VAC14: variants seen among roughly 807,000 people sequenced by gnomAD.
The protein encoded by VAC14 is protein VAC14 homolog.
VAC14 carries 47 observed loss-of-function variants against 85.3 expected under a neutral mutation model. The ratio of observed to expected loss-of-function variants is 0.55; its 90% confidence interval spans 0.44 to 0.70. The LOEUF is 0.70. Among genes scored for constraint, VAC14 ranks in the 30% least tolerant of loss-of-function variants. The pLI is 0.00. For missense variants in VAC14, 861 were observed against 1,004.3 expected, an observed-to-expected ratio of 0.86 and a Z score of 1.93; for synonymous variants, 447 against 430.5, an observed-to-expected ratio of 1.04 and a Z score of -0.47.
At chr16:70,691,862 C>T (rs1472368141) in intron 18 of VAC14, 4 of 985,312 alleles carry the variant, frequency 4.1e-6, no homozygotes, top group Non-Finnish European at 4.8e-6. Flanking sequence ...GCAGGCCTGT[C>T]TCAAGGCTGC....
chr16:70,749,647 C>T (rs1336428779), intron 12 of VAC14, among the ~76,000 whole-genome samples: 1 of 152,266 alleles, frequency 6.6e-6, no homozygotes, highest in Non-Finnish European at 1.5e-5. Flanking sequence ...CATCTTCCCT[C>T]AGTCTCCTAG....
chr16:70,706,421 C>T (rs1269038952), intron 14 of VAC14, among the ~76,000 whole-genome samples: 1 of 152,236 alleles, frequency 6.6e-6, no homozygotes, highest in African/African-American at 2.4e-5. Context: ...GGCTCAGAGG[C>T]CCCTCCCTTC....
chr16:70,796,460 T>C (rs2034549901), intron 1 of VAC14, among the ~76,000 whole-genome samples: 1 of 152,208 alleles, frequency 6.6e-6, no homozygotes, highest in Non-Finnish European at 1.5e-5. Flanking sequence ...ATTCCTTTTA[T>C]TATAAGTATG....
chr16:70,693,328 T>G (rs1308438250), intron 17 of VAC14, among the ~76,000 whole-genome samples: 1 of 152,234 alleles, frequency 6.6e-6, no homozygotes, highest in Non-Finnish European at 1.5e-5. Flanking sequence ...CCCGCTCAGC[T>G]GCCTCCCTGG....
At chr16:70,690,045 C>A in intron 18 of VAC14, 1 of 985,486 alleles carries the variant, frequency 1.0e-6, no homozygotes, top group African/African-American at 1.7e-5. Context: ...CAAGCCAAGG[C>A]CTTAGGTTAG....
chr16:70,723,010 G>GT (rs2054333233), intron 14 of VAC14, among the ~76,000 whole-genome samples: 1 of 152,150 alleles, frequency 6.6e-6, no homozygotes, highest in Admixed American at 6.5e-5. Flanking sequence ...GAGGTCAGGA[G>GT]TTTGAGACCA....
At chr16:70,795,720 C>G (rs2143349034) in intron 1 of VAC14, among the ~76,000 whole-genome samples, 1 of 152,352 alleles carries the variant, frequency 6.6e-6, no homozygotes, top group Admixed American at 6.5e-5. Flanking sequence ...TTTGGGCTCT[C>G]AGGGGGCATG....
chr16:70,698,949 T>C, intron 14 of VAC14, 138 bp from the exon 15 acceptor site: 2 of 420,142 alleles, frequency 4.8e-6, no homozygotes, highest in Non-Finnish European at 8.4e-6. Flanking sequence ...GCCATGACTC[T>C]GAGGCCTGTG....
chr16:70,767,861 T>C (rs1226850002), intron 10 of VAC14, among the ~76,000 whole-genome samples: 3 of 152,180 alleles, frequency 2.0e-5, no homozygotes, highest in African/African-American at 7.2e-5. Context: ...CTATGTTCTT[T>C]ACATACTTAA....
intron 1 of VAC14, among the ~76,000 whole-genome samples, chr16:70,789,491 G>T (rs190940178): frequency 2.4e-4 from 36 of 152,286 alleles, no homozygotes; most frequent in African/African-American, 8.2e-4. Context: ...TGCGCACACA[G>T]CTGCTCACAT....
intron 1 of VAC14, 95 bp from the exon 2 acceptor site, chr16:70,786,460 T>A (rs2034065404): frequency 1.3e-6 from 2 of 1,512,502 alleles, no homozygotes; most frequent in Admixed American, 4.0e-5. Context: ...GATGACCTGT[T>A]TGGAAAGAGG....
chr16:70,744,380 G>A, intron 13 of VAC14, 43 bp downstream of exon 13: 1 of 1,612,454 alleles, frequency 6.2e-7, no homozygotes, highest in Non-Finnish European at 8.5e-7. Flanking sequence ...CCCGGCACTG[G>A]CACTAAGGCC....
At position 70,687,653 on chromosome 16, in the gene VAC14, C is replaced by G. The variant is rs951852882; in HGVS notation, c.*275G>C. On this transcript the variant is annotated 3_prime_UTR_variant, in exon 19 of 19. Transcript: ENST00000261776. ...AGAGGGTATTAGAAAGAGGTTGATTCCAGAGGATGAGTGGTCTCTGAGGCT... is the reference window on the plus strand; with the variant it reads ...AGAGGGTATTAGAAAGAGGTTGATTGCAGAGGATGAGTGGTCTCTGAGGCT... The G allele has an allele frequency of 4.3e-5, 15 of 348,590 alleles. No individual in the cohort carries two copies. The highest frequency in any genetic ancestry group is 2.9e-4 in the African/African-American group (14 of 47,532). 21.6% of individuals were successfully genotyped at this position (348,590 alleles called of 1,614,324 possible). A position where few individuals can be genotyped will look rare whatever the true frequency, so the allele number is the denominator to read the frequency against.
rs1266650130 is a variant in VAC14 at position 70,784,103 on chromosome 16, C to T, written c.594+10G>A. 1 of 1,612,548 alleles carries T rather than the reference C, an allele frequency of 6.2e-7. No individual in the cohort carries two copies. The highest frequency in any genetic ancestry group is 1.3e-5 in the African/African-American group (1 of 75,026). Reference sequence around the variant, plus strand: ...GGAGGCTGGAGAAACGGTGTCCGGCCAGGCCTTACCCAGGAGATGATGAAC... The same window carrying T: ...GGAGGCTGGAGAAACGGTGTCCGGCTAGGCCTTACCCAGGAGATGATGAAC... On this transcript the variant is annotated intron_variant, in intron 5 of 18. Coordinates refer to ENST00000261776, the MANE Select transcript of VAC14 (RefSeq NM_018052.5).
intron 16 of VAC14, among the ~76,000 whole-genome samples, chr16:70,696,079 A>G (rs1396340524): frequency 1.3e-5 from 2 of 152,192 alleles, no homozygotes; most frequent in Non-Finnish European, 2.9e-5. Context: ...GGCCACACCT[A>G]GCCCTCCACT....
chr16:70,688,121 C>G, intron 18 of VAC14, 31 bp from the exon 19 acceptor site: 1 of 1,508,180 alleles, frequency 6.6e-7, no homozygotes, highest in Non-Finnish European at 8.9e-7. Context: ...TGCTCAGTGT[C>G]AGGGATCAGC....
chr16:70,788,902 C>T (rs1179158785), intron 1 of VAC14, among the ~76,000 whole-genome samples: 4 of 152,240 alleles, frequency 2.6e-5, no homozygotes, highest in African/African-American at 9.6e-5. Flanking sequence ...CCACACTTCC[C>T]TGCTAAGTGC....
chr16:70,750,200 C>T (rs1307139478), intron 12 of VAC14, among the ~76,000 whole-genome samples: 1 of 152,218 alleles, frequency 6.6e-6, no homozygotes, highest in African/African-American at 2.4e-5. Context: ...CAGACCTAGT[C>T]CTCCTTCCAG....
chr16:70,693,660 G>A (rs537246805), intron 17 of VAC14, among the ~76,000 whole-genome samples: 1 of 152,318 alleles, frequency 6.6e-6, no homozygotes, highest in Non-Finnish European at 1.5e-5. Context: ...GTGGCTGGCT[G>A]TACCACAAGG....
Sources: gnomAD v4.1 joint callset for allele counts (sites outside exome capture counted in the v4.1 genomes callset) on GRCh38, gnomAD v4.1.1 for gene constraint, MANE v1.5 for transcripts, NCBI Gene and HGNC (gene_info 2026-07-23, HGNC 2026-07-21) for gene names.